TTC28: variants seen among roughly 807,000 people sequenced by gnomAD.
The protein encoded by TTC28 is tetratricopeptide repeat domain 28, also known as tetratricopeptide repeat protein 28.
A neutral mutation model predicts 198.0 loss-of-function variants in TTC28; 61 were observed. The ratio of observed to expected loss-of-function variants is 0.31; its 90% CI spans 0.25 to 0.38. The LOEUF (loss-of-function observed/expected upper bound fraction) is 0.38. Among genes scored for constraint, TTC28 ranks in the 10% least tolerant of loss-of-function variants. The pLI, the probability that TTC28 is intolerant of heterozygous loss-of-function variation, is 1.00. For synonymous variants in TTC28, 1,171 were observed against 1,297.8 expected (o/e 0.90, Z 2.10); for missense variants, 2,678 against 3,164.0 (o/e 0.85, Z 3.69).
intron 2 of TTC28, among the ~76,000 whole-genome samples, chr22:28,493,075 G>A (rs992190720): frequency 6.8e-6 from 1 of 147,732 alleles, no homozygotes; most frequent in African/African-American, 2.5e-5. Context: ...AAAAAGTTTT[G>A]GCTGGGTGCA....
At chr22:28,337,731 T>A (rs1215624632) in intron 2 of TTC28, among the ~76,000 whole-genome samples, 4 of 152,208 alleles carry the variant, frequency 2.6e-5, no homozygotes, top group Non-Finnish European at 4.4e-5. Context: ...AGCCTATGTG[T>A]GTCTCTGCAC....
At chr22:28,332,563 T>C (rs1481099578) in intron 2 of TTC28, among the ~76,000 whole-genome samples, 1 of 152,090 alleles carries the variant, frequency 6.6e-6, no homozygotes, top group Non-Finnish European at 1.5e-5. Flanking sequence ...AAGTACTCTC[T>C]GAAGTCATGG....
intron 2 of TTC28, among the ~76,000 whole-genome samples, chr22:28,428,725 G>A (rs2047388960): frequency 2.6e-5 from 4 of 151,542 alleles, no homozygotes; most frequent in South Asian, 4.2e-4. Flanking sequence ...TGCAAGCTCC[G>A]CCTCCCGGGA....
intron 2 of TTC28, among the ~76,000 whole-genome samples, chr22:28,320,739 C>A (rs1198081171): frequency 1.3e-5 from 2 of 152,156 alleles, no homozygotes; most frequent in Admixed American, 1.3e-4. Flanking sequence ...AGAAACAATT[C>A]ACAGCTGCAG....
rs1920986134 is a variant in TTC28, at chr22:28,159,796, A to C, written c.1441+3296T>G. On this transcript the variant is annotated intron_variant, in intron 6 of 22. Transcript: ENST00000397906. ...TTTGCAGCATTGTTCACAATAGCTA[A>C]GCTTTGGAAGCAATGTAAGTGTCCA... is the stretch of plus-strand genomic sequence containing the variant. Among the ~76,000 whole-genome samples the C allele has an allele frequency of 1.3e-5, 2 of 152,232 alleles. 1 individual carries two copies. Among genetic ancestry groups the C allele is most frequent in the South Asian group, 4.1e-4 (2 of 4,822 alleles).
At chr22:28,603,777 T>C (rs1211722816) in intron 2 of TTC28, among the ~76,000 whole-genome samples, 1 of 152,138 alleles carries the variant, frequency 6.6e-6, no homozygotes, top group Non-Finnish European at 1.5e-5. Context: ...ATAATACTTC[T>C]GAAATATTAG....
At chr22:28,194,003 C>A (rs1473803681) in intron 5 of TTC28, among the ~76,000 whole-genome samples, 1 of 152,284 alleles carries the variant, frequency 6.6e-6, no homozygotes, top group South Asian at 2.1e-4. Flanking sequence ...AGCACCACAT[C>A]ACACTTATTC....
intron 2 of TTC28, among the ~76,000 whole-genome samples, chr22:28,587,625 T>G (rs2050341489): frequency 6.6e-6 from 1 of 151,892 alleles, no homozygotes; most frequent in Admixed American, 6.6e-5. Flanking sequence ...TTTTCTATTT[T>G]TAATAGAGAT....
At chr22:28,386,064 C>T (rs1389079101) in intron 2 of TTC28, among the ~76,000 whole-genome samples, 2 of 151,514 alleles carry the variant, frequency 1.3e-5, no homozygotes, top group African/African-American at 2.4e-5. Flanking sequence ...ATCACGAGGT[C>T]AGGAGATCGA....
intron 11 of TTC28, among the ~76,000 whole-genome samples, chr22:28,094,907 C>G (rs1941927369): frequency 6.6e-6 from 1 of 152,130 alleles, no homozygotes; most frequent in South Asian, 2.1e-4. Flanking sequence ...CCGGTCCTCT[C>G]TGATTGGATT....
intron 2 of TTC28, among the ~76,000 whole-genome samples, chr22:28,424,320 C>T (rs139864514): frequency 6.6e-6 from 1 of 152,144 alleles, no homozygotes; most frequent in Non-Finnish European, 1.5e-5. Context: ...AAACAAAACC[C>T]TCTACTCCTC....
chr22:28,190,683 T>C (rs1389228919), intron 5 of TTC28, among the ~76,000 whole-genome samples: 1 of 152,210 alleles, frequency 6.6e-6, no homozygotes, highest in Non-Finnish European at 1.5e-5. Flanking sequence ...TATTCCCACA[T>C]AGGAAAAGCC....
At chr22:28,447,299 T>G (rs2047717733) in intron 2 of TTC28, among the ~76,000 whole-genome samples, 1 of 152,186 alleles carries the variant, frequency 6.6e-6, no homozygotes, top group African/African-American at 2.4e-5. Flanking sequence ...TGAATCATGT[T>G]AAAAGGGGCA....
intron 12 of TTC28, among the ~76,000 whole-genome samples, chr22:28,092,838 C>T (rs978565789): frequency 6.6e-6 from 1 of 152,160 alleles, no homozygotes; most frequent in Admixed American, 6.5e-5. Flanking sequence ...CTTCAGGATG[C>T]ACAGCAGTCA....
intron 2 of TTC28, among the ~76,000 whole-genome samples, chr22:28,604,297 T>TTATATATATATATATA (rs35077140): frequency 6.1e-5 from 7 of 114,134 alleles, no homozygotes; most frequent in East Asian, 4.4e-4. Context: ...AAAAAAAAAA[T>TTATATATATATATATA]TATATATATA....
At chr22:28,297,213 T>C (rs1400121633) in intron 4 of TTC28, among the ~76,000 whole-genome samples, 1 of 151,988 alleles carries the variant, frequency 6.6e-6, no homozygotes, top group Non-Finnish European at 1.5e-5. Flanking sequence ...TTTTTCTTTG[T>C]TTTATTTTTT....
chr22:28,243,170 T>C (rs2147256563), intron 5 of TTC28, among the ~76,000 whole-genome samples: 1 of 47,356 alleles, frequency 2.1e-5, no homozygotes, highest in Non-Finnish European at 3.6e-5. Context: ...AAACCCCCTC[T>C]CTACAAAAAA....
At chr22:28,323,628 C>T (rs904003609) in intron 2 of TTC28, among the ~76,000 whole-genome samples, 6 of 151,970 alleles carry the variant, frequency 3.9e-5, no homozygotes, top group Non-Finnish European at 7.4e-5. Flanking sequence ...TAGAAAACAG[C>T]CCCAAAAGGG....
chr22:28,107,417 A>G lies in TTC28; in HGVS notation c.2428T>C (p.Tyr810His), dbSNP rs1942340906. ...LAAVYMALGKYTMAFKCYEEQ... is the reference protein window; with the variant it reads ...LAAVYMALGKHTMAFKCYEEQ... ...TCATAACACTTGAATGCCATTGTGT[A>G]TTTCCCAAGGGCCATGTAGACAGCA... The change falls in exon 7 of 23, where the codon TAC (tyrosine) becomes CAC (histidine). Residue 810 changes from tyrosine (Y) to histidine (H), a missense_variant. Tyr to His is a moderately conservative substitution (Grantham distance 83, BLOSUM62 2). Coordinates refer to ENST00000397906, the MANE Select transcript of TTC28 (RefSeq NM_001145418.2). The G allele has an allele frequency of 1.3e-6, 2 of 1,551,480 alleles. No individual in the cohort carries two copies. The highest frequency in any genetic ancestry group is 2.7e-5 in the African/African-American group (2 of 72,968).
Sources: gnomAD v4.1 joint callset for allele counts (sites outside exome capture counted in the v4.1 genomes callset) on GRCh38, gnomAD v4.1.1 for gene constraint, MANE v1.5 for transcripts, NCBI Gene and HGNC (gene_info 2026-07-23, HGNC 2026-07-21) for gene names.